The following HHAT variants were observed in gnomAD, a reference collection of about 807,000 sequenced individuals.
HHAT encodes the protein protein-cysteine N-palmitoyltransferase HHAT.
HHAT carries 47 observed loss-of-function variants against 70.8 expected under a neutral mutation model. The observed-to-expected ratio is 0.66, with a 90% CI of 0.53 to 0.85. The LOEUF (loss-of-function observed/expected upper bound fraction) is 0.85, where lower values mean the gene tolerates loss of function less well. Among genes scored for constraint, HHAT ranks in the 40% least tolerant of loss-of-function variants. The pLI is 0.00. For missense variants in HHAT, 609 were observed against 604.8 expected (o/e 1.01, Z -0.07); for synonymous variants, 228 against 247.6 (o/e 0.92, Z 0.74).
chr1:210,435,511 G>A (rs2093353906), intron 7 of HHAT, among the ~76,000 whole-genome samples: 1 of 151,688 alleles, frequency 6.6e-6, no homozygotes, highest in South Asian at 2.1e-4. Flanking sequence ...TGGATCATAT[G>A]GTGGTTCTAT....
At chr1:210,482,661 A>C (rs2094415068) in intron 8 of HHAT, among the ~76,000 whole-genome samples, 1 of 152,192 alleles carries the variant, frequency 6.6e-6, no homozygotes, top group Admixed American at 6.5e-5. Context: ...CGAAGTAGAG[A>C]GTGGAAATAA....
chr1:210,535,446 TG>T lies in HHAT; in HGVS notation c.1043+22259del, dbSNP rs1250587698. On this transcript the variant is annotated intron_variant, in intron 9 of 11. Transcript: ENST00000261458. ...CATTGTGTGTTTGTGTGTGTGTGTG[TG>T]TGTGTGTGGGGTAAAATAATATAAA... Among the ~76,000 whole-genome samples the T allele has an allele frequency of 8.6e-4, 130 of 151,788 alleles. 2 individuals are homozygous for T. Among genetic ancestry groups the T allele is most frequent in the Admixed American group, 1.2e-3 (19 of 15,248 alleles).
intron 1 of HHAT, chr1:210,329,321 G>A (rs1000879690): frequency 2.6e-4 from 312 of 1,215,630 alleles, no homozygotes; most frequent in Non-Finnish European, 3.0e-4. Flanking sequence ...GCAAAGGCGG[G>A]GATCTAGGCG....
intron 7 of HHAT, among the ~76,000 whole-genome samples, chr1:210,446,857 T>C (rs1422397828): frequency 2.6e-5 from 4 of 152,198 alleles, no homozygotes; most frequent in Non-Finnish European, 5.9e-5. Context: ...TGCGTAGGAC[T>C]CATTGCCATG....
chr1:210,642,826 A>G (rs1251740291), intron 11 of HHAT, among the ~76,000 whole-genome samples: 1 of 152,068 alleles, frequency 6.6e-6, no homozygotes, highest in Non-Finnish European at 1.5e-5. Context: ...ATGTTTTCTG[A>G]GGGACAAGGT....
At chr1:210,512,035 C>T (rs1340602142) in intron 8 of HHAT, among the ~76,000 whole-genome samples, 1 of 152,072 alleles carries the variant, frequency 6.6e-6, no homozygotes, top group African/African-American at 2.4e-5. Flanking sequence ...GTTAGAGAAA[C>T]CAAGGCAGTG....
chr1:210,455,444 G>C (rs1258869772), intron 7 of HHAT, among the ~76,000 whole-genome samples: 1 of 151,954 alleles, frequency 6.6e-6, no homozygotes, highest in Non-Finnish European at 1.5e-5. Flanking sequence ...TTTTTGGTTT[G>C]TTTCTTTGTT....
chr1:210,421,261 A>G (rs2092894890), intron 7 of HHAT, among the ~76,000 whole-genome samples: 1 of 152,164 alleles, frequency 6.6e-6, no homozygotes, highest in Non-Finnish European at 1.5e-5. Context: ...TAACCAAAAC[A>G]TCATGGTACT....
chr1:210,509,527 T>C (rs2148572262), intron 8 of HHAT, among the ~76,000 whole-genome samples: 1 of 152,294 alleles, frequency 6.6e-6, no homozygotes, highest in Admixed American at 6.5e-5. Context: ...TCACTTAACC[T>C]CTCTATGCTT....
intron 9 of HHAT, among the ~76,000 whole-genome samples, chr1:210,545,989 G>C (rs1275600668): frequency 1.3e-5 from 2 of 152,192 alleles, no homozygotes; most frequent in African/African-American, 4.8e-5. Context: ...ATTTGTTGAA[G>C]ATCATGAGGA....
chr1:210,398,217 G>A (rs2091897044), intron 4 of HHAT, among the ~76,000 whole-genome samples: 1 of 152,184 alleles, frequency 6.6e-6, no homozygotes, highest in Non-Finnish European at 1.5e-5. Context: ...ATATACAACA[G>A]TTTCGTGTAG....
At chr1:210,578,102 C>G (rs914776838) in intron 9 of HHAT, among the ~76,000 whole-genome samples, 1 of 152,100 alleles carries the variant, frequency 6.6e-6, no homozygotes, top group African/African-American at 2.4e-5. Flanking sequence ...TAGAATCCAC[C>G]AGTGAAGACA....
intron 6 of HHAT, among the ~76,000 whole-genome samples, chr1:210,412,906 G>A (rs1457727649): frequency 6.6e-6 from 1 of 152,204 alleles, no homozygotes; most frequent in Admixed American, 6.5e-5. Context: ...TTTTCTGGTT[G>A]CAGTGCCAAC....
chr1:210,490,825 G>T (rs185154293), intron 8 of HHAT, among the ~76,000 whole-genome samples: 1 of 151,966 alleles, frequency 6.6e-6, no homozygotes, highest in Non-Finnish European at 1.5e-5. Context: ...TTTCTGCTAA[G>T]AAAACCATTC....
Position 210,674,538 on chromosome 1 carries a change from C to A in HHAT, c.*159C>A, listed in dbSNP as rs1680830366. The A allele has an allele frequency of 8.5e-6, 5 of 591,470 alleles. No homozygotes were observed. In the South Asian group the frequency reaches 1.1e-4, roughly 13 times the overall value. The allele number at this position is 591,470 out of a possible 1,614,324, so 36.6% of individuals were successfully genotyped here. On this transcript the variant is annotated 3_prime_UTR_variant, in exon 12 of 12. Coordinates refer to ENST00000261458, the MANE Select transcript of HHAT (RefSeq NM_018194.6). ...TGGATGCTGGATCTCATAGAAAATT[C>A]ACAGCCAGACAATCTTCTAATCTGG...
At chr1:210,478,554 G>C (rs1440858885) in intron 8 of HHAT, among the ~76,000 whole-genome samples, 1 of 152,184 alleles carries the variant, frequency 6.6e-6, no homozygotes, top group Non-Finnish European at 1.5e-5. Context: ...AAGGGTTCTA[G>C]GTCTCTTGCC....
At chr1:210,646,625 A>C (rs1443979083) in intron 11 of HHAT, among the ~76,000 whole-genome samples, 1 of 152,250 alleles carries the variant, frequency 6.6e-6, no homozygotes, top group African/African-American at 2.4e-5. Context: ...ATTTGAAAAT[A>C]ACAGAAATGG....
At chr1:210,592,879 C>CTTTTTTTTTTTTTTTTTTTTTTTTTT (rs35245794) in intron 10 of HHAT, among the ~76,000 whole-genome samples, 1 of 145,446 alleles carries the variant, frequency 6.9e-6, no homozygotes, top group Non-Finnish European at 1.5e-5. Context: ...ACCAACTTTT[C>CTTTTTTTTTTTTTTTTTTTTTTTTTT]TTTTTTTTTT....
At chr1:210,557,748 C>T (rs183727081) in intron 9 of HHAT, among the ~76,000 whole-genome samples, 1 of 152,298 alleles carries the variant, frequency 6.6e-6, no homozygotes, top group East Asian at 1.9e-4. Flanking sequence ...CCCTGTGATT[C>T]AATTATTTCC....
Sources: allele counts gnomAD v4.1 joint callset (sites outside exome capture counted in the v4.1 genomes callset), GRCh38; gene constraint gnomAD v4.1.1; transcripts MANE v1.5; gene names NCBI Gene and HGNC (gene_info 2026-07-23, HGNC 2026-07-21).